Variants in GALNT18 observed in about 807,000 individuals in gnomAD.
The protein encoded by GALNT18 is polypeptide N-acetylgalactosaminyltransferase 18.
Under a neutral mutation model 69.5 loss-of-function variants are expected in GALNT18, and 44 were observed. The observed-to-expected ratio is 0.63, with a 90% CI of 0.50 to 0.81. The LOEUF is 0.81. Ranked by LOEUF, GALNT18 falls within the 40% of genes least tolerant of loss-of-function variation. The pLI, the probability that GALNT18 is intolerant of heterozygous loss-of-function variation, is 0.00. For missense variants in GALNT18, 715 were observed against 810.0 expected (o/e 0.88, Z 1.42); for synonymous variants, 364 against 318.2 (o/e 1.14, Z -1.53).
intron 9 of GALNT18, among the ~76,000 whole-genome samples, chr11:11,310,741 G>C (rs78622822): frequency 0.014 from 2,135 of 152,206 alleles, 49 homozygotes; most frequent in African/African-American, 0.048. Context: ...AGCTCTACCC[G>C]GGCAGGGCTA....
chr11:11,595,187 A>G lies in GALNT18; in HGVS notation c.235+26172T>C, dbSNP rs1213198346. Among the ~76,000 whole-genome samples the G allele has an allele frequency of 6.7e-6, 1 of 148,486 alleles. No individual in the cohort carries two copies. Among genetic ancestry groups the G allele is most frequent in the Non-Finnish European group, 1.5e-5 (1 of 68,018 alleles). On this transcript the variant is annotated intron_variant, in intron 1 of 10. Transcript: ENST00000227756. This position sits in a 1 kb window ranked among gnomAD's most constrained non-coding sequence, Gnocchi z 5.2. ...ATGTTTATTTTGCCCCAAAATTCAT[A>G]TGTTGAAATCTAATCACCAAGGTGA...
Position 11,604,138 on chromosome 11 carries a change from G to A in GALNT18, c.235+17221C>T, listed in dbSNP as rs193056880. Among the ~76,000 whole-genome samples the A allele has an allele frequency of 2.6e-5, 4 of 152,316 alleles. No individual in the cohort carries two copies. The East Asian group carries it at 5.8e-4, about 22-fold the overall frequency. ...TTTGGACTTCCCAGCCTCCAGAACT[G>A]TGAGGAAATAAGTGTCTGTTATTAA... On this transcript the variant is annotated intron_variant, in intron 1 of 10. Transcript: ENST00000227756. The surrounding 1 kb of genome is among the most constrained non-coding windows in gnomAD (Gnocchi z 5.6).
chr11:11,510,700 A>AT (rs1857149155), intron 1 of GALNT18, among the ~76,000 whole-genome samples: 2 of 152,168 alleles, frequency 1.3e-5, no homozygotes, highest in South Asian at 4.1e-4. Context: ...CACTTTTCAC[A>AT]CCACCTTGTG....
intron 3 of GALNT18, among the ~76,000 whole-genome samples, chr11:11,411,962 C>T (rs763273170): frequency 5.3e-5 from 8 of 152,158 alleles, no homozygotes; most frequent in South Asian, 2.1e-4. Flanking sequence ...CCTCATATCC[C>T]GGGCATTTTG....
chr11:11,329,854 T>C (rs535082632), intron 8 of GALNT18, among the ~76,000 whole-genome samples: 1 of 152,324 alleles, frequency 6.6e-6, no homozygotes, highest in Admixed American at 6.5e-5. Context: ...AAACCCAAGC[T>C]CTTTCCGTAG....
In GALNT18 at chr11:11,332,938, G is replaced by A. The variant is rs1218054683; in HGVS notation, c.1279-107C>T. ...GCCCCCAACAAGATTCCTAGAGACT[G>A]GGGAAGGGACCATGTGGCACGTTAA... is the stretch of plus-strand genomic sequence containing the variant. On this transcript the variant is annotated intron_variant, in intron 7 of 10. Transcript: ENST00000227756. The surrounding 1 kb of genome is among the most constrained non-coding windows in gnomAD (Gnocchi z 4.3). 8.0e-7 allele frequency: 1 copy of A among 1,256,488 alleles called. No individual in the cohort carries two copies. Among genetic ancestry groups the A allele is most frequent in the African/African-American group, 1.5e-5 (1 of 68,832 alleles). The allele number at this position is 1,256,488 out of a possible 1,614,324, so 77.8% of individuals were successfully genotyped here.
intron 9 of GALNT18, among the ~76,000 whole-genome samples, chr11:11,305,833 A>C (rs1437217661): frequency 6.6e-6 from 1 of 152,210 alleles, no homozygotes; most frequent in Non-Finnish European, 1.5e-5. Flanking sequence ...ACCTCTGCTT[A>C]TTACATGATA....
At chr11:11,326,044 T>A (rs1191912802) in intron 9 of GALNT18, among the ~76,000 whole-genome samples, 2 of 97,506 alleles carry the variant, frequency 2.1e-5, no homozygotes, top group African/African-American at 8.4e-5. Flanking sequence ...TAAATATCTT[T>A]TTTTTTTTTT....
Position 11,602,911 on chromosome 11 carries a change from G to A in GALNT18, c.235+18448C>T, listed in dbSNP as rs566943381. Among the ~76,000 whole-genome samples the A allele has an allele frequency of 1.3e-5, 2 of 152,316 alleles. No homozygotes were observed. Among genetic ancestry groups the A allele is most frequent in the East Asian group, 1.9e-4 (1 of 5,190 alleles). ...CTTCCAGGTACAGGAGTCAAAATGG[G>A]TGGTAAACTTGGGAAATACTAGAAT... On this transcript the variant is annotated intron_variant, in intron 1 of 10. Transcript: ENST00000227756. This position sits in a 1 kb window ranked among gnomAD's most constrained non-coding sequence, Gnocchi z 4.7.
intron 9 of GALNT18, among the ~76,000 whole-genome samples, chr11:11,325,429 G>A (rs2722765): frequency 0.038 from 5,716 of 152,018 alleles, 317 homozygotes; most frequent in African/African-American, 0.12. Context: ...CTTGGGTGAC[G>A]GGTGTACTAA....
intron 6 of GALNT18, chr11:11,353,133 G>A: frequency 2.5e-6 from 4 of 1,613,536 alleles, no homozygotes; most frequent in Non-Finnish European, 3.4e-6. Flanking sequence ...AGACAGGTTG[G>A]CGGACAAAGC....
At chr11:11,348,334 C>T (rs1038888021) in intron 6 of GALNT18, among the ~76,000 whole-genome samples, 5 of 147,932 alleles carry the variant, frequency 3.4e-5, no homozygotes, top group African/African-American at 5.0e-5. Context: ...GCCAAGATCG[C>T]GCCATTGCAC....
At chr11:11,373,246 C>T (rs897731292) in intron 5 of GALNT18, among the ~76,000 whole-genome samples, 1 of 151,802 alleles carries the variant, frequency 6.6e-6, no homozygotes, top group African/African-American at 2.4e-5. Flanking sequence ...ATTGAGGGGC[C>T]CAGCTGGGAA....
intron 1 of GALNT18, among the ~76,000 whole-genome samples, chr11:11,484,537 G>A (rs1341116827): frequency 3.4e-5 from 5 of 145,842 alleles, no homozygotes; most frequent in African/African-American, 1.3e-4. Context: ...AGGTTGTGGT[G>A]AGCCGAGATC....
At chr11:11,407,453 G>A (rs1275814128) in intron 3 of GALNT18, among the ~76,000 whole-genome samples, 1 of 152,230 alleles carries the variant, frequency 6.6e-6, no homozygotes, top group African/African-American at 2.4e-5. Flanking sequence ...GACACAGCCT[G>A]TGCCACTTCA....
At chr11:11,354,813 C>T (rs550814037) in intron 6 of GALNT18, among the ~76,000 whole-genome samples, 9 of 152,252 alleles carry the variant, frequency 5.9e-5, no homozygotes, top group African/African-American at 9.6e-5. Context: ...ATGTCCAAAA[C>T]GAAGTTCCCG....
chr11:11,584,552 G>C lies in GALNT18; in HGVS notation c.235+36807C>G, dbSNP rs1029906398. On this transcript the variant is annotated intron_variant, in intron 1 of 10. Coordinates refer to ENST00000227756, the MANE Select transcript of GALNT18 (RefSeq NM_198516.3). The surrounding 1 kb of genome is among the most constrained non-coding windows in gnomAD (Gnocchi z 4.1). Reference sequence around the variant, plus strand: ...GTAAGGACCGAGAGGCGAGTCTTCAGTGAAACACCCACAGAGAGCCGTTTG... The same window carrying C: ...GTAAGGACCGAGAGGCGAGTCTTCACTGAAACACCCACAGAGAGCCGTTTG... Among the ~76,000 whole-genome samples the C allele has an allele frequency of 5.3e-5, 8 of 152,208 alleles. No individual in the cohort carries two copies. The highest frequency in any genetic ancestry group is 1.2e-4 in the Non-Finnish European group (8 of 68,048).
At position 11,322,033 on chromosome 11, in the gene GALNT18, G is replaced by A. The variant is rs892948379; in HGVS notation, c.1512+5053C>T. On this transcript the variant is annotated intron_variant, in intron 9 of 10. Coordinates refer to ENST00000227756, the MANE Select transcript of GALNT18 (RefSeq NM_198516.3). ...ACACTGAACAGGAGTCAGGGTTAAA[G>A]TGGAGTAATAATGGTAACACCATCC... is the stretch of plus-strand genomic sequence containing the variant. Among the ~76,000 whole-genome samples the A allele has an allele frequency of 2.3e-4, 35 of 152,250 alleles. 1 individual carries two copies. The highest frequency in any genetic ancestry group is 3.8e-4 in the Non-Finnish European group (26 of 68,050).
Position 11,583,867 on chromosome 11 carries a change from G to C in GALNT18, c.235+37492C>G, listed in dbSNP as rs374292011. 6.6e-6 allele frequency among the ~76,000 whole-genome samples: 1 copy of C among 152,108 alleles called. No homozygotes were observed. Among genetic ancestry groups the C allele is most frequent in the Non-Finnish European group, 1.5e-5 (1 of 68,026 alleles). On this transcript the variant is annotated intron_variant, in intron 1 of 10. Transcript: ENST00000227756. This position sits in a 1 kb window ranked among gnomAD's most constrained non-coding sequence, Gnocchi z 4.7. The stretch of plus-strand genomic sequence containing the variant: ...AATAAAGAAATAGCCCTGTCTGCAA[G>C]GAGCAGATGATCTCAATATCATTAT...
Sources: allele counts gnomAD v4.1 joint callset (sites outside exome capture counted in the v4.1 genomes callset), GRCh38; gene constraint gnomAD v4.1.1; non-coding constraint Gnocchi (gnomAD v3.1); transcripts MANE v1.5; gene names NCBI Gene and HGNC (gene_info 2026-07-23, HGNC 2026-07-21).